The following GRAMD1B variants were observed in gnomAD, a reference collection of about 807,000 sequenced individuals.
GRAMD1B encodes the protein GRAM domain containing 1B.
A neutral mutation model predicts 99.7 loss-of-function variants in GRAMD1B; 37 were observed. The ratio of observed to expected loss-of-function variants is 0.37; its 90% confidence interval spans 0.29 to 0.49. The LOEUF is 0.49. Among genes scored for constraint, GRAMD1B ranks in the 20% least tolerant of loss-of-function variants. The pLI, the probability that GRAMD1B is intolerant of heterozygous loss-of-function variation, is 0.98. For missense variants in GRAMD1B, 888 were observed against 1,009.2 expected, an observed-to-expected ratio of 0.88 and a Z score of 1.63; for synonymous variants, 427 against 387.6, an observed-to-expected ratio of 1.10 and a Z score of -1.19.
chr11:123,438,991 C>T (rs1371406984), intron 1 of GRAMD1B, among the ~76,000 whole-genome samples: 1 of 152,186 alleles, frequency 6.6e-6, no homozygotes, highest in East Asian at 1.9e-4. Flanking sequence ...TGTACAAGAG[C>T]TTGATGAAAC....
intron 1 of GRAMD1B, among the ~76,000 whole-genome samples, chr11:123,470,316 T>A (rs1020694440): frequency 1.3e-5 from 2 of 152,212 alleles, no homozygotes; most frequent in Non-Finnish European, 2.9e-5. Context: ...AGACAGTTAC[T>A]ACTTACAAAA....
chr11:123,620,008 G>T (rs1244588199), intron 19 of GRAMD1B, among the ~76,000 whole-genome samples: 4 of 152,156 alleles, frequency 2.6e-5, no homozygotes, highest in Admixed American at 6.5e-5. Context: ...TCCCAGCTTT[G>T]CCACTAATTT....
intron 2 of GRAMD1B, among the ~76,000 whole-genome samples, chr11:123,514,435 C>T (rs1186591572): frequency 6.6e-6 from 1 of 152,190 alleles, no homozygotes; most frequent in African/African-American, 2.4e-5. Flanking sequence ...AGTTCACCAT[C>T]AATACGCTGG....
chr11:123,600,196 T>A (rs1951777333), intron 7 of GRAMD1B, among the ~76,000 whole-genome samples: 1 of 152,150 alleles, frequency 6.6e-6, no homozygotes, highest in Non-Finnish European at 1.5e-5. Context: ...CTTATGGAGA[T>A]GAGAATTTCA....
chr11:123,529,535 G>C (rs563683123), intron 2 of GRAMD1B, among the ~76,000 whole-genome samples: 3 of 152,240 alleles, frequency 2.0e-5, no homozygotes, highest in South Asian at 4.1e-4. Flanking sequence ...TTCTTCTACT[G>C]GTAACTTGGT....
At chr11:123,484,761 C>T (rs533658201) in intron 2 of GRAMD1B, among the ~76,000 whole-genome samples, 1 of 152,274 alleles carries the variant, frequency 6.6e-6, no homozygotes, top group African/African-American at 2.4e-5. Context: ...ATCTTGGCTG[C>T]TGGGTTCCTT....
chr11:123,505,347 G>T lies in GRAMD1B; in HGVS notation c.452+24454G>T, dbSNP rs188601365. On this transcript the variant is annotated intron_variant, in intron 2 of 19. Transcript: ENST00000635736. ...ATGCTCAGCTTGTTTTGATGTCTTT[G>T]TTCACCTAAAACAGCAGGTGGGTTT... Among the ~76,000 whole-genome samples, 34 of 152,050 alleles carry T rather than the reference G, an allele frequency of 2.2e-4. No individual in the cohort carries two copies. In the East Asian group the frequency reaches 6.4e-3, roughly 29 times the overall value.
At chr11:123,568,055 A>G (rs73027985) in intron 2 of GRAMD1B, among the ~76,000 whole-genome samples, 4,656 of 152,280 alleles carry the variant, frequency 0.031, 86 homozygotes, top group Middle Eastern at 0.048. Flanking sequence ...GCTGGCTGCA[A>G]ATGTTTTGGA....
At chr11:123,602,326 A>ATTT (rs1555097752) in intron 8 of GRAMD1B, among the ~76,000 whole-genome samples, 1 of 151,096 alleles carries the variant, frequency 6.6e-6, no homozygotes, top group African/African-American at 2.4e-5. Context: ...TATTATTGTT[A>ATTT]TTTTTACTCC....
intron 1 of GRAMD1B, among the ~76,000 whole-genome samples, chr11:123,462,784 C>T (rs912734688): frequency 1.3e-5 from 2 of 150,556 alleles, no homozygotes; most frequent in African/African-American, 2.5e-5. Context: ...AACCAGAGAC[C>T]TTTGTTCACT....
At chr11:123,422,020 A>C (rs922917826) in intron 1 of GRAMD1B, among the ~76,000 whole-genome samples, 1 of 152,230 alleles carries the variant, frequency 6.6e-6, no homozygotes, top group African/African-American at 2.4e-5. Context: ...TAGACCCTGA[A>C]AGCTACAAAA....
chr11:123,562,570 C>T (rs1448421789), intron 2 of GRAMD1B, among the ~76,000 whole-genome samples: 3 of 152,224 alleles, frequency 2.0e-5, no homozygotes, highest in Non-Finnish European at 1.5e-5. Flanking sequence ...TCACATGTCA[C>T]AAAATATTCT....
chr11:123,584,365 C>T, intron 4 of GRAMD1B, 33 bp downstream of exon 4: 1 of 194,074 alleles, frequency 5.2e-6, no homozygotes, highest in East Asian at 2.5e-4. Context: ...TTGTTGGGTA[C>T]CTGAGAAATG....
intron 7 of GRAMD1B, chr11:123,598,965 T>C (rs1264588512): frequency 9.6e-7 from 1 of 1,037,318 alleles, no homozygotes; most frequent in Non-Finnish European, 1.5e-6. Context: ...GATGGACAGG[T>C]ATGTGATATA....
At chr11:123,366,805 G>A (rs141837031) in intron 1 of GRAMD1B, among the ~76,000 whole-genome samples, 2 of 152,316 alleles carry the variant, frequency 1.3e-5, no homozygotes, top group East Asian at 3.9e-4. Context: ...ACCAATTGTA[G>A]ACAGGGTGTA....
chr11:123,428,777 C>T (rs1017811191), upstream of GRAMD1B, among the ~76,000 whole-genome samples: 1 of 152,216 alleles, frequency 6.6e-6, no homozygotes, highest in Non-Finnish European at 1.5e-5. Context: ...TTTGTCCTGG[C>T]ACGGAAGCTG....
intron 2 of GRAMD1B, among the ~76,000 whole-genome samples, chr11:123,518,618 G>A (rs992610248): frequency 1.3e-5 from 2 of 152,120 alleles, no homozygotes; most frequent in Non-Finnish European, 2.9e-5. Flanking sequence ...GCTAGCAATG[G>A]CAGTACTAGT....
At chr11:123,542,203 CAT>C (rs1009393859) in intron 2 of GRAMD1B, among the ~76,000 whole-genome samples, 2 of 152,186 alleles carry the variant, frequency 1.3e-5, no homozygotes, top group African/African-American at 4.8e-5. Flanking sequence ...CAACATTCCA[CAT>C]ATGTCTTGGT....
intron 2 of GRAMD1B, among the ~76,000 whole-genome samples, chr11:123,512,280 G>A (rs1189637356): frequency 6.6e-6 from 1 of 152,224 alleles, no homozygotes; most frequent in Non-Finnish European, 1.5e-5. Context: ...AGCCTCTAGT[G>A]AACTAGCTCT....
Sources: allele counts gnomAD v4.1 joint callset (sites outside exome capture counted in the v4.1 genomes callset), GRCh38; gene constraint gnomAD v4.1.1; transcripts MANE v1.5; gene names NCBI Gene and HGNC (gene_info 2026-07-23, HGNC 2026-07-21).